Variants in SPHKAP observed in about 807,000 individuals in gnomAD.
SPHKAP encodes the protein SPHK1 interactor, AKAP domain containing, also known as A-kinase anchor protein SPHKAP.
Under a neutral mutation model 137.5 loss-of-function variants are expected in SPHKAP, and 67 were observed. That is an observed-to-expected ratio of 0.49 (90% CI 0.40 to 0.60). The LOEUF (loss-of-function observed/expected upper bound fraction) is 0.60, where lower values mean the gene tolerates loss of function less well. Among genes scored for constraint, SPHKAP ranks in the 20% least tolerant of loss-of-function variants. SPHKAP has a pLI of 0.00. For synonymous variants in SPHKAP, 813 were observed against 785.3 expected, an observed-to-expected ratio of 1.04 and a Z score of -0.59; for missense variants, 2,097 against 2,069.3, an observed-to-expected ratio of 1.01 and a Z score of -0.26.
intron 1 of SPHKAP, among the ~76,000 whole-genome samples, chr2:228,143,236 G>A (rs1699660522): frequency 6.6e-6 from 1 of 152,188 alleles, no homozygotes; most frequent in East Asian, 1.9e-4. Context: ...TGATATGAAT[G>A]TATTATTTTA....
In SPHKAP at chr2:228,018,321, T is replaced by A. The variant is rs1264480290; in HGVS notation, c.2533A>T (p.Ser845Cys). ...CATTCATTCTCACTGTGATGAGGGCTTTTTGTATCCTCTCCTGCTATTCCT... is the reference window on the plus strand; with the variant it reads ...CATTCATTCTCACTGTGATGAGGGCATTTTGTATCCTCTCCTGCTATTCCT... Reference protein sequence around the residue: ...LKGIAGEDTKSPHHSENECRA... With the variant: ...LKGIAGEDTKCPHHSENECRA... Residue 845 changes from serine to cysteine, a missense_variant, in exon 7 of 12, where the codon AGC becomes TGC. By Grantham distance (112) the Ser-to-Cys change is moderately radical. Transcript: ENST00000392056. 1 of 1,614,186 alleles carries A rather than the reference T, an allele frequency of 6.2e-7. No individual in the cohort carries two copies.
Position 228,131,645 on chromosome 2 carries a change from T to G in SPHKAP, c.138+335A>C, listed in dbSNP as rs144862739. 1.1e-3 allele frequency: 392 copies of G among 341,914 alleles called. 2 individuals carry two copies. The highest frequency in any genetic ancestry group is 8.3e-3 in the African/African-American group (375 of 44,960). 21.2% of individuals were successfully genotyped at this position (341,914 alleles called of 1,614,324 possible). A position where few individuals can be genotyped will look rare whatever the true frequency, so the allele number is the denominator to read the frequency against. On this transcript the variant is annotated intron_variant, in intron 2 of 11. Coordinates refer to ENST00000392056, the MANE Select transcript of SPHKAP (RefSeq NM_001142644.2). The stretch of plus-strand genomic sequence containing the variant: ...ATACAGATTTAGTAACTTAATATAA[T>G]ATGTTGAGTCATTCAAAATGCATGA...
chr2:227,982,025 G>T lies in SPHKAP; in HGVS notation c.4960-165C>A. ...ATCTATTTTCTTTTTAAGAATTTCA[G>T]ATTATTACCGAACTTCATCAAGTGA... is the stretch of plus-strand genomic sequence containing the variant. On this transcript the variant is annotated intron_variant, in intron 11 of 11. Coordinates refer to ENST00000392056, the MANE Select transcript of SPHKAP (RefSeq NM_001142644.2). 3.1e-6 allele frequency: 3 copies of T among 980,424 alleles called. No individual in the cohort carries two copies. The South Asian group carries it at 1.4e-4, about 47-fold the overall frequency. 60.7% of individuals were successfully genotyped at this position (980,424 alleles called of 1,614,324 possible). A position where few individuals can be genotyped will look rare whatever the true frequency, so the allele number is the denominator to read the frequency against.
chr2:228,118,910 T>C (rs1698812219), intron 2 of SPHKAP, among the ~76,000 whole-genome samples: 1 of 152,180 alleles, frequency 6.6e-6, no homozygotes, highest in Non-Finnish European at 1.5e-5. Flanking sequence ...CATTCTGTTG[T>C]AGGAGGACAC....
At chr2:228,028,484 A>C (rs1207798767) in intron 3 of SPHKAP, among the ~76,000 whole-genome samples, 2 of 152,264 alleles carry the variant, frequency 1.3e-5, no homozygotes, top group Non-Finnish European at 2.9e-5. Context: ...TTATAAAGTC[A>C]TATGTTGCAT....
chr2:228,134,088 GAAGTA>G (rs1433298694), intron 1 of SPHKAP, among the ~76,000 whole-genome samples: 1 of 144,496 alleles, frequency 6.9e-6, no homozygotes, highest in African/African-American at 2.6e-5. Context: ...AAAGAAGAAA[GAAGTA>G]AAGAAAGGAA....
intron 1 of SPHKAP, among the ~76,000 whole-genome samples, chr2:228,174,334 G>A (rs1036493654): frequency 1.3e-4 from 19 of 150,818 alleles, no homozygotes; most frequent in African/African-American, 3.7e-4. Flanking sequence ...CTTCAATGAC[G>A]TTCTCAGAAT....
intron 11 of SPHKAP, chr2:227,990,785 C>T: frequency 4.0e-6 from 2 of 503,900 alleles, no homozygotes; most frequent in Non-Finnish European, 6.8e-6. Context: ...TTCTCACTAC[C>T]ACCTACTAGC....
In SPHKAP at chr2:228,019,593, T is replaced by G; in HGVS notation, c.1261A>C (p.Ser421Arg). Residue 421 changes from serine (S) to arginine (R), a missense_variant, in exon 7 of 12, where the codon AGT becomes CGT. Ser to Arg is a moderately radical substitution (Grantham distance 110, BLOSUM62 -1). Coordinates refer to ENST00000392056, the MANE Select transcript of SPHKAP (RefSeq NM_001142644.2). ...AGCAGAGAACTTCCTACAGAAACAC[T>G]GACTGCAGATTCCTGGGGTAATGTG... ...QSTLPQESAVSVSVGSSLLPS... is the reference protein window; with the variant it reads ...QSTLPQESAVRVSVGSSLLPS... 6.2e-7 allele frequency: 1 copy of G among 1,614,170 alleles called. No individual in the cohort carries two copies. Among genetic ancestry groups the G allele is most frequent in the Non-Finnish European group, 8.5e-7 (1 of 1,180,002 alleles).
In SPHKAP at chr2:228,150,239, C is replaced by T. The variant is rs543248953; in HGVS notation, c.33-18154G>A. Among the ~76,000 whole-genome samples the T allele has an allele frequency of 1.8e-3, 269 of 152,248 alleles. 1 individual carries two copies. The highest frequency in any genetic ancestry group is 3.2e-3 in the Non-Finnish European group (216 of 68,000). ...CCAACTTTCTAATATTTTGGTTGGG[C>T]AGCTGTTCTTTTGATCATGAATGAG... On this transcript the variant is annotated intron_variant, in intron 1 of 11. Coordinates refer to ENST00000392056, the MANE Select transcript of SPHKAP (RefSeq NM_001142644.2).
At chr2:228,004,672 G>C (rs539451749) in intron 7 of SPHKAP, among the ~76,000 whole-genome samples, 4 of 151,820 alleles carry the variant, frequency 2.6e-5, no homozygotes, top group Non-Finnish European at 4.4e-5. Flanking sequence ...TAGGTCTTTC[G>C]TGCTTTCTCT....
chr2:228,091,402 C>G (rs1697725100), intron 3 of SPHKAP, among the ~76,000 whole-genome samples: 1 of 152,106 alleles, frequency 6.6e-6, no homozygotes, highest in East Asian at 1.9e-4. Flanking sequence ...GCAATGAAAA[C>G]AAAGATAAAT....
At chr2:227,987,620 T>C (rs1322023580) in intron 11 of SPHKAP, among the ~76,000 whole-genome samples, 2 of 151,706 alleles carry the variant, frequency 1.3e-5, no homozygotes, top group African/African-American at 2.4e-5. Context: ...ACGAGAGGAG[T>C]ATATTGGGCA....
In SPHKAP at chr2:228,016,481, CCTT is replaced by C. The variant is rs781432148; in HGVS notation, c.4370_4372del (p.Glu1457del). 1.2e-6 allele frequency: 2 copies of C among 1,613,428 alleles called. No individual in the cohort carries two copies. Among genetic ancestry groups the C allele is most frequent in the Admixed American group, 1.7e-5 (1 of 59,878 alleles). ...TGGGATGTTTTTGTCATTCGAATGC[CCTT>C]CTGCTTCCTCTAGGAGGCTGCTTTT... On this transcript the variant is annotated inframe_deletion, in exon 7 of 12. Coordinates refer to ENST00000392056, the MANE Select transcript of SPHKAP (RefSeq NM_001142644.2).
chr2:228,025,793 A>T (rs1264832570), intron 4 of SPHKAP: 4 of 848,206 alleles, frequency 4.7e-6, no homozygotes, highest in Non-Finnish European at 2.8e-6. Context: ...AAACATTATG[A>T]TAGTAATTAC....
In SPHKAP at chr2:228,016,734, C is replaced by G. The variant is rs1694611019; in HGVS notation, c.4120G>C (p.Asp1374His). The stretch of plus-strand genomic sequence containing the variant: ...GGCTGTTTACATTCGGTAACAGAGT[C>G]TTTCCTCGGGCAATCGAGAGACTCC... ...VQESLDCPRK[D>H]SVTECKQPPV... The change falls in exon 7 of 12, where the codon GAC (aspartate) becomes CAC (histidine). Residue 1374 changes from aspartate to histidine, a missense_variant. By Grantham distance (81) the Asp-to-His change is moderately conservative. Transcript: ENST00000392056. The G allele has an allele frequency of 1.9e-6, 3 of 1,614,090 alleles. No individual in the cohort carries two copies. The highest frequency in any genetic ancestry group is 2.5e-6 in the Non-Finnish European group (3 of 1,180,006).
At chr2:228,079,719 A>G (rs148238054) in intron 3 of SPHKAP, among the ~76,000 whole-genome samples, 2,906 of 152,200 alleles carry the variant, frequency 0.019, 43 homozygotes, top group Middle Eastern at 0.054. Context: ...CCCCTTGAAT[A>G]TAGGCTGCAG....
At chr2:228,080,727 TAAAATAAAATAAAATA>T (rs1697336855) in intron 3 of SPHKAP, among the ~76,000 whole-genome samples, 2 of 12,388 alleles carry the variant, frequency 1.6e-4, no homozygotes, top group Non-Finnish European at 2.8e-4. Flanking sequence ...TAAAATAAAA[TAAAATAAAATAAAATA>T]AAATAAAATA....
chr2:227,987,745 G>T (rs1423464047), intron 11 of SPHKAP, among the ~76,000 whole-genome samples: 1 of 152,116 alleles, frequency 6.6e-6, no homozygotes, highest in Non-Finnish European at 1.5e-5. Flanking sequence ...TGGGAAAGAT[G>T]AGCTGTTTCA....
Sources: allele counts gnomAD v4.1 joint callset (sites outside exome capture counted in the v4.1 genomes callset), GRCh38; gene constraint gnomAD v4.1.1; transcripts MANE v1.5; gene names NCBI Gene and HGNC (gene_info 2026-07-23, HGNC 2026-07-21).